Variants in TMEM245 observed in about 807,000 individuals in gnomAD.
TMEM245 encodes transmembrane protein 245.
A neutral mutation model predicts 101.2 loss-of-function variants in TMEM245; 69 were observed. The observed-to-expected ratio is 0.68, with a 90% CI of 0.56 to 0.83. The LOEUF is 0.83. Ranked by LOEUF, TMEM245 falls within the 40% of genes least tolerant of loss-of-function variation. The probability of loss-of-function intolerance (pLI) is 0.00; values close to 1 mark genes in which losing one functional copy is unlikely to be tolerated. For missense variants in TMEM245, 1,075 were observed against 1,092.8 expected (o/e 0.98, Z 0.23); for synonymous variants, 537 against 449.8 (o/e 1.19, Z -2.45).
intron 17 of TMEM245, among the ~76,000 whole-genome samples, chr9:109,030,168 A>T (rs1329695006): frequency 6.6e-6 from 1 of 152,184 alleles, no homozygotes; most frequent in Non-Finnish European, 1.5e-5. Context: ...ACTTCAAGAT[A>T]TGGAGGTAAA....
At position 109,039,836 on chromosome 9, in the gene TMEM245, G is replaced by A. The variant is rs75454152; in HGVS notation, c.2124-1719C>T. On this transcript the variant is annotated intron_variant, in intron 14 of 17. Coordinates refer to ENST00000374586, the MANE Select transcript of TMEM245 (RefSeq NM_032012.4). Reference sequence around the variant, plus strand: ...AGGGGGAGGGAATAATGACATAATCGACCACAGAGAAAAAGAAAGGAAAAA... The same window carrying A: ...AGGGGGAGGGAATAATGACATAATCAACCACAGAGAAAAAGAAAGGAAAAA... Among the ~76,000 whole-genome samples the A allele has an allele frequency of 3.5e-3, 525 of 151,864 alleles. 7 individuals carry two copies. The highest frequency in any genetic ancestry group is 0.012 in the African/African-American group (488 of 41,432).
chr9:109,081,990 G>A (rs1195741319), intron 7 of TMEM245, among the ~76,000 whole-genome samples: 1 of 152,106 alleles, frequency 6.6e-6, no homozygotes, highest in Non-Finnish European at 1.5e-5. Flanking sequence ...ATTAATAACT[G>A]CTGAAACACC....
At chr9:109,087,484 G>T (rs930859394) in intron 5 of TMEM245, 142 bp from the exon 6 acceptor site, 35 of 848,294 alleles carry the variant, frequency 4.1e-5, no homozygotes, top group Non-Finnish European at 3.4e-6. Context: ...AAGCAGGGTG[G>T]GACTCAAAGT....
chr9:109,055,637 CT>C (rs377221189), intron 12 of TMEM245, among the ~76,000 whole-genome samples: 20,117 of 142,458 alleles, frequency 0.14, 1,518 homozygotes, highest in African/African-American at 0.2. Context: ...TTCTTTTTTT[CT>C]TTTTTTTTTT....
intron 11 of TMEM245, among the ~76,000 whole-genome samples, 188 bp downstream of exon 11, chr9:109,060,166 T>G (rs895852033): frequency 3.9e-5 from 6 of 152,210 alleles, no homozygotes; most frequent in Non-Finnish European, 7.3e-5. Context: ...ACCAGAGAGA[T>G]AGGCAGGTTC....
intron 8 of TMEM245, among the ~76,000 whole-genome samples, chr9:109,073,842 A>C (rs1829406777): frequency 6.9e-6 from 1 of 145,672 alleles, no homozygotes; most frequent in Admixed American, 7.0e-5. Context: ...ATAAGGAACT[A>C]ACTTTTTTTT....
At chr9:109,106,898 C>T (rs1830440922) in intron 2 of TMEM245, among the ~76,000 whole-genome samples, 1 of 152,098 alleles carries the variant, frequency 6.6e-6, no homozygotes, top group South Asian at 2.1e-4. Context: ...TACCAAAGGT[C>T]TAAAACCATC....
intron 10 of TMEM245, among the ~76,000 whole-genome samples, chr9:109,061,898 A>C (rs1829025657): frequency 6.6e-6 from 1 of 151,590 alleles, no homozygotes; most frequent in African/African-American, 2.4e-5. Context: ...GTCATGAGTA[A>C]CACTGCAATG....
intron 10 of TMEM245, among the ~76,000 whole-genome samples, chr9:109,061,907 T>C (rs1829025941): frequency 6.6e-6 from 1 of 151,788 alleles, no homozygotes; most frequent in African/African-American, 2.4e-5. Context: ...AACACTGCAA[T>C]GAACATCCTT....
intron 14 of TMEM245, 200 bp from the exon 15 acceptor site, chr9:109,038,317 A>C (rs1045256535): frequency 5.1e-6 from 2 of 395,686 alleles, no homozygotes; most frequent in Non-Finnish European, 8.9e-6. Context: ...TTTATGTAAT[A>C]TGAAATATGT....
chr9:109,024,615 T>A (rs145838931), intron 17 of TMEM245, among the ~76,000 whole-genome samples: 105 of 152,336 alleles, frequency 6.9e-4, no homozygotes, highest in African/African-American at 2.4e-3. Flanking sequence ...AGAGTTTCAG[T>A]AATGTTTCTC....
At chr9:109,115,520 A>ATTTT (rs1830698478) in intron 1 of TMEM245, among the ~76,000 whole-genome samples, 14 of 120,198 alleles carry the variant, frequency 1.2e-4, no homozygotes, top group Non-Finnish European at 1.7e-4. Flanking sequence ...AGTAACTGGA[A>ATTTT]TCTTTTTTTT....
chr9:109,072,506 C>T (rs1051943224), intron 9 of TMEM245, among the ~76,000 whole-genome samples: 2 of 152,206 alleles, frequency 1.3e-5, no homozygotes, highest in African/African-American at 4.8e-5. Flanking sequence ...CTTTTGCAGC[C>T]TCCATTATGC....
intron 3 of TMEM245, among the ~76,000 whole-genome samples, chr9:109,103,823 T>C (rs546208297): frequency 6.6e-6 from 1 of 152,244 alleles, no homozygotes; most frequent in East Asian, 1.9e-4. Context: ...TGGTGGCTCA[T>C]GCCTGTAATC....
At position 109,015,352 on chromosome 9, in the gene TMEM245, G is replaced by T. The variant is rs1441029678; in HGVS notation, c.*5108C>A. 1.3e-5 allele frequency: 2 copies of T among 152,086 alleles called. No homozygotes were observed. The highest frequency in any genetic ancestry group is 2.9e-5 in the Non-Finnish European group (2 of 68,028). The allele number at this position is 152,086 out of a possible 1,614,324, so 9.4% of individuals were successfully genotyped here. ...AACCCAGGGATGATACATTTTCAAAGAGTTATGTAAGCAATTACAACTCTA... is the reference window on the plus strand; with the variant it reads ...AACCCAGGGATGATACATTTTCAAATAGTTATGTAAGCAATTACAACTCTA... On this transcript the variant is annotated 3_prime_UTR_variant, in exon 18 of 18. Transcript: ENST00000374586.
At chr9:109,090,886 A>G (rs1408817107) in intron 5 of TMEM245, 36 bp downstream of exon 5, 1 of 1,572,558 alleles carries the variant, frequency 6.4e-7, no homozygotes, top group South Asian at 1.2e-5. Flanking sequence ...TCAATCTTCA[A>G]AGACAAGACG....
In TMEM245 at chr9:109,108,430, AAAAAAAAAAAG is replaced by A; in HGVS notation, c.697+12_697+22del. The A allele has an allele frequency of 7.2e-7, 1 of 1,387,536 alleles. No individual in the cohort carries two copies. The highest frequency in any genetic ancestry group is 2.8e-5 in the Admixed American group (1 of 35,934). The allele number at this position is 1,387,536 out of a possible 1,614,324, so 86.0% of individuals were successfully genotyped here. ...ACCTTAGGCTAGACTTAAAAAAAAA[AAAAAAAAAAAG>A]AAGGAACCCACCTAAATGAAAAAGC... On this transcript the variant is annotated intron_variant, in intron 2 of 17. Coordinates refer to ENST00000374586, the MANE Select transcript of TMEM245 (RefSeq NM_032012.4).
chr9:109,058,424 G>C (rs1828911575), intron 11 of TMEM245, among the ~76,000 whole-genome samples: 1 of 152,038 alleles, frequency 6.6e-6, no homozygotes, highest in Non-Finnish European at 1.5e-5. Context: ...AGAGATATGA[G>C]AATAACTAAA....
At chr9:109,078,520 A>G (rs1211130804) in intron 8 of TMEM245, among the ~76,000 whole-genome samples, 1 of 152,212 alleles carries the variant, frequency 6.6e-6, no homozygotes, top group African/African-American at 2.4e-5. Context: ...CACTGACTAT[A>G]AAAGTATTGT....
Sources: gnomAD v4.1 joint callset for allele counts (sites outside exome capture counted in the v4.1 genomes callset) on GRCh38, gnomAD v4.1.1 for gene constraint, MANE v1.5 for transcripts, NCBI Gene and HGNC (gene_info 2026-07-23, HGNC 2026-07-21) for gene names.